Variants in SPATA13 observed in about 807,000 individuals in gnomAD.
SPATA13 encodes spermatogenesis-associated protein 13.
In SPATA13, 50 loss-of-function variants were observed where a neutral mutation model predicts 104.0. The observed-to-expected ratio is 0.48, with a 90% CI of 0.38 to 0.61. The LOEUF (loss-of-function observed/expected upper bound fraction) is 0.61. Among genes scored for constraint, SPATA13 ranks in the 20% least tolerant of loss-of-function variants. The pLI, the probability that SPATA13 is intolerant of heterozygous loss-of-function variation, is 0.00. For missense variants in SPATA13, 1,524 were observed against 1,690.6 expected, an observed-to-expected ratio of 0.90 and a Z score of 1.73; for synonymous variants, 606 against 667.5, an observed-to-expected ratio of 0.91 and a Z score of 1.42.
At chr13:24,078,268 C>T (rs1465350288) in intron 3 of SPATA13, among the ~76,000 whole-genome samples, 1 of 152,160 alleles carries the variant, frequency 6.6e-6, no homozygotes, top group African/African-American at 2.4e-5. Context: ...GCCAGACACG[C>T]CTCTGTTTGA....
rs1181643143 is a variant in SPATA13 at position 24,297,679 on chromosome 13, G to A, written c.3527G>A (p.Arg1176Lys). The A allele has an allele frequency of 1.2e-6, 2 of 1,614,132 alleles. No individual in the cohort carries two copies. Among genetic ancestry groups the A allele is most frequent in the Admixed American group, 1.7e-5 (1 of 60,014 alleles). Residue 1176 changes from arginine (R) to lysine (K), a missense_variant, in exon 11 of 13, where the codon AGG becomes AAG. Arg to Lys is a conservative substitution (Grantham distance 26, BLOSUM62 2). This residue lies in a region of SPATA13 where 435 missense variants were observed against 554.8 expected (regional missense o/e 0.78). Coordinates refer to ENST00000382108, the MANE Select transcript of SPATA13 (RefSeq NM_001166271.3). Reference protein sequence around the residue: ...FCAKKQEDKARWLQACADERR... With the variant: ...FCAKKQEDKAKWLQACADERR... ...GCCAAAAAACAAGAAGACAAGGCGA[G>A]GTGGCTGCAGGCCTGTGCAGATGAA...
chr13:24,189,880 T>C (rs1278864173), intron 1 of SPATA13, among the ~76,000 whole-genome samples: 3 of 27,716 alleles, frequency 1.1e-4, no homozygotes, highest in South Asian at 1.4e-3. Context: ...TATAATTATA[T>C]ATCATAATAT....
At chr13:24,206,441 G>C (rs1870699891) in intron 1 of SPATA13, among the ~76,000 whole-genome samples, 1 of 152,176 alleles carries the variant, frequency 6.6e-6, no homozygotes, top group African/African-American at 2.4e-5. Context: ...TAAAGGAAAA[G>C]GAATGCTTTT....
chr13:23,998,431 A>T (rs1424584047), intron 2 of SPATA13, among the ~76,000 whole-genome samples: 2 of 152,132 alleles, frequency 1.3e-5, no homozygotes, highest in Non-Finnish European at 2.9e-5. Flanking sequence ...TTTTCATGTT[A>T]TTGCAGTTGA....
intron 1 of SPATA13, among the ~76,000 whole-genome samples, chr13:24,178,993 T>C (rs966305402): frequency 6.6e-6 from 1 of 152,242 alleles, no homozygotes; most frequent in African/African-American, 2.4e-5. Context: ...CCTCTACATT[T>C]GACTATTCTA....
intron 3 of SPATA13, among the ~76,000 whole-genome samples, chr13:24,062,582 GC>G: frequency 6.6e-6 from 1 of 152,278 alleles, no homozygotes; most frequent in Middle Eastern, 3.4e-3. Flanking sequence ...TGACGAAGGA[GC>G]CTCCATCCAG....
chr13:24,115,772 C>T (rs1036944323), intron 3 of SPATA13, among the ~76,000 whole-genome samples: 2 of 152,190 alleles, frequency 1.3e-5, no homozygotes, highest in Non-Finnish European at 2.9e-5. Flanking sequence ...CAGCGGAGGC[C>T]GTATTCATCT....
chr13:24,145,098 C>T (rs1398656454), intron 3 of SPATA13, among the ~76,000 whole-genome samples: 3 of 152,142 alleles, frequency 2.0e-5, no homozygotes, highest in African/African-American at 7.2e-5. Flanking sequence ...AGGAGACTGT[C>T]GTAGCCACCT....
intron 1 of SPATA13, among the ~76,000 whole-genome samples, chr13:24,198,186 G>A (rs1026233744): frequency 1.3e-5 from 2 of 152,066 alleles, no homozygotes; most frequent in African/African-American, 2.4e-5. Context: ...GTAGAGACGG[G>A]GTTTCACTGT....
chr13:24,083,501 C>A lies in SPATA13; in HGVS notation c.-112+65800C>A, dbSNP rs754334925. ...TGAGTTGAAGTCCAGGCGGAGCTTGCGGGGAGAATGGCTAGCTCTCTGTGG... is the reference window on the plus strand; with the variant it reads ...TGAGTTGAAGTCCAGGCGGAGCTTGAGGGGAGAATGGCTAGCTCTCTGTGG... On this transcript the variant is annotated intron_variant, in intron 3 of 14. Coordinates refer to the SPATA13 transcript ENST00000424834. Among the ~76,000 whole-genome samples the A allele has an allele frequency of 3.3e-5, 5 of 152,084 alleles. No homozygotes were observed. In the South Asian group the frequency reaches 1.0e-3, roughly 32 times the overall value.
At chr13:24,193,383 G>T (rs1869879788) in intron 1 of SPATA13, among the ~76,000 whole-genome samples, 1 of 152,190 alleles carries the variant, frequency 6.6e-6, no homozygotes, top group Admixed American at 6.5e-5. Flanking sequence ...GACACAGGCG[G>T]TGGCCATGTT....
chr13:24,110,618 GC>G lies in SPATA13; in HGVS notation c.-112+92918del, dbSNP rs528456164. Among the ~76,000 whole-genome samples the G allele has an allele frequency of 6.4e-4, 98 of 152,308 alleles. 1 individual carries two copies. The highest frequency in any genetic ancestry group is 5.2e-3 in the South Asian group (25 of 4,826). ...TTGTTATTCATTCATCAAACCTTGA[GC>G]AAACACTTGCCATGGGCCAGACACT... On this transcript the variant is annotated intron_variant, in intron 3 of 14. Coordinates refer to the SPATA13 transcript ENST00000424834.
At chr13:24,301,287 A>C (rs1222496922) in intron 12 of SPATA13, among the ~76,000 whole-genome samples, 1 of 152,190 alleles carries the variant, frequency 6.6e-6, no homozygotes, top group Non-Finnish European at 1.5e-5. Flanking sequence ...ACAAGGACCA[A>C]CGAATCCCAG....
intron 2 of SPATA13, among the ~76,000 whole-genome samples, chr13:24,238,348 G>C (rs1872677950): frequency 2.6e-5 from 4 of 152,008 alleles, no homozygotes; most frequent in Admixed American, 2.6e-4. Flanking sequence ...GTAGGGACAG[G>C]GTTTTGCCAT....
intron 3 of SPATA13, among the ~76,000 whole-genome samples, chr13:24,047,933 G>T (rs904009921): frequency 6.6e-6 from 1 of 152,192 alleles, no homozygotes; most frequent in African/African-American, 2.4e-5. Context: ...TATAGGTCCT[G>T]GTCCAAGCCC....
At chr13:24,281,897 CA>C (rs1258050109) in intron 4 of SPATA13, among the ~76,000 whole-genome samples, 2 of 152,200 alleles carry the variant, frequency 1.3e-5, no homozygotes, top group Non-Finnish European at 2.9e-5. Flanking sequence ...CGTGCATCAC[CA>C]GTGCATGAGC....
At position 24,251,892 on chromosome 13, in the gene SPATA13, G is replaced by A. The variant is rs1873509617; in HGVS notation, c.2164+30G>A. The A allele has an allele frequency of 1.9e-6, 3 of 1,600,990 alleles. No homozygotes were observed. The South Asian group carries it at 3.3e-5, about 18-fold the overall frequency. On this transcript the variant is annotated intron_variant, in intron 4 of 12. Transcript: ENST00000382108. ...GTCTCAGAGTCCCTTTCCTTTCAGA[G>A]CTGCTATGGGCCCATCTGACCGTTT...
chr13:24,135,206 C>A (rs1176859414), intron 3 of SPATA13, among the ~76,000 whole-genome samples: 1 of 128,068 alleles, frequency 7.8e-6, no homozygotes, highest in Admixed American at 8.7e-5. Context: ...CAAATGAATA[C>A]ACTCATTATT....
intron 1 of SPATA13, among the ~76,000 whole-genome samples, chr13:24,176,629 CCTT>C (rs1331261723): frequency 6.6e-6 from 1 of 152,036 alleles, no homozygotes; most frequent in East Asian, 1.9e-4. Flanking sequence ...CCTCAGTCAG[CCTT>C]CTTTCTCTCA....
Sources: allele counts gnomAD v4.1 joint callset (sites outside exome capture counted in the v4.1 genomes callset), GRCh38; gene constraint gnomAD v4.1.1; regional missense constraint gnomAD v4.1.1; transcripts MANE v1.5; gene names NCBI Gene and HGNC (gene_info 2026-07-23, HGNC 2026-07-21).